Variants in GNAQ observed in about 807,000 individuals in gnomAD.
GNAQ encodes the protein G protein subunit alpha q, also known as guanine nucleotide-binding protein G(q) subunit alpha.
GNAQ carries 8 observed loss-of-function variants against 43.9 expected under a neutral mutation model. The ratio of observed to expected loss-of-function variants is 0.18; its 90% CI spans 0.11 to 0.33. The LOEUF is 0.33. Among genes scored for constraint, GNAQ ranks in the 10% least tolerant of loss-of-function variants. GNAQ has a pLI of 1.00. For missense variants in GNAQ, 158 were observed against 450.8 expected, an observed-to-expected ratio of 0.35 and a Z score of 5.88; for synonymous variants, 155 against 170.7, an observed-to-expected ratio of 0.91 and a Z score of 0.71.
chr9:77,809,323 GC>G (rs1453472288), intron 3 of GNAQ, among the ~76,000 whole-genome samples: 41 of 152,202 alleles, frequency 2.7e-4, no homozygotes, highest in African/African-American at 9.2e-4. Context: ...CAGTAGACTA[GC>G]CAAAGCCTGC....
chr9:77,942,803 T>C (rs1033979227), intron 1 of GNAQ, among the ~76,000 whole-genome samples: 9 of 152,234 alleles, frequency 5.9e-5, no homozygotes, highest in Admixed American at 3.3e-4. Context: ...ATATGATCAA[T>C]AGCTGTGTCT....
Position 77,826,316 on chromosome 9 carries a change from CTTG to C in GNAQ, c.322-10549_322-10547del, listed in dbSNP as rs539850794. 6.8e-4 allele frequency among the ~76,000 whole-genome samples: 103 copies of C among 152,222 alleles called. 1 individual carries two copies. The East Asian group carries it at 0.019, about 28-fold the overall frequency. ...CCCAACTCCCCATAACGCTGGTGTC[CTTG>C]TTGTGTGCTTTGTGTGATAAGGAAG... On this transcript the variant is annotated intron_variant, in intron 2 of 6. Transcript: ENST00000286548.
intron 1 of GNAQ, among the ~76,000 whole-genome samples, chr9:77,997,948 C>T (rs886717496): frequency 7.2e-5 from 11 of 152,280 alleles, no homozygotes; most frequent in African/African-American, 2.2e-4. Flanking sequence ...AAGGAGCTGG[C>T]GGAAAGAACT....
intron 2 of GNAQ, among the ~76,000 whole-genome samples, chr9:77,874,423 T>A (rs970516093): frequency 2.0e-5 from 3 of 152,142 alleles, no homozygotes; most frequent in African/African-American, 7.2e-5. Context: ...TCTCAATCTG[T>A]TCCCTTTTAA....
intron 5 of GNAQ, among the ~76,000 whole-genome samples, chr9:77,788,250 T>C (rs908705521): frequency 2.0e-5 from 3 of 152,070 alleles, no homozygotes; most frequent in African/African-American, 7.2e-5. Context: ...TAATGTGCAT[T>C]ACAAACAACC....
intron 2 of GNAQ, among the ~76,000 whole-genome samples, chr9:77,824,099 T>C (rs546657743): frequency 3.3e-5 from 5 of 152,340 alleles, no homozygotes; most frequent in Admixed American, 1.3e-4. Context: ...TCTAACATCA[T>C]GTCCCTAACA....
At chr9:78,013,163 C>A (rs1433878453) in intron 1 of GNAQ, among the ~76,000 whole-genome samples, 3 of 152,128 alleles carry the variant, frequency 2.0e-5, no homozygotes, top group African/African-American at 7.2e-5. Flanking sequence ...ACCATAAACA[C>A]CTCTCCTTCC....
chr9:78,003,748 A>T (rs2118558674), intron 1 of GNAQ, among the ~76,000 whole-genome samples: 1 of 151,854 alleles, frequency 6.6e-6, no homozygotes, highest in African/African-American at 2.4e-5. Flanking sequence ...CCGGGGAGGC[A>T]GAGGTTGCAG....
intron 2 of GNAQ, among the ~76,000 whole-genome samples, chr9:77,886,827 G>A (rs900470497): frequency 2.6e-5 from 4 of 151,916 alleles, no homozygotes; most frequent in South Asian, 4.1e-4. Flanking sequence ...AATAAAATAC[G>A]CAGCCGGGCA....
At chr9:77,985,473 T>C (rs1317612135) in intron 1 of GNAQ, among the ~76,000 whole-genome samples, 1 of 152,246 alleles carries the variant, frequency 6.6e-6, no homozygotes. Flanking sequence ...TAGAGGATAG[T>C]TGTATGTCAT....
chr9:77,787,084 A>T lies in GNAQ; in HGVS notation c.735+7379T>A, dbSNP rs187964246. 1.6e-3 allele frequency among the ~76,000 whole-genome samples: 247 copies of T among 152,208 alleles called. 2 individuals are homozygous for T. Among genetic ancestry groups the T allele is most frequent in the South Asian group, 8.1e-3 (39 of 4,828 alleles). The stretch of plus-strand genomic sequence containing the variant: ...AGAATCTAGACACAAAAGAAAATAC[A>T]CTCTTTGCTATTCTTTATAAAAAAG... On this transcript the variant is annotated intron_variant, in intron 5 of 6. Transcript: ENST00000286548.
intron 1 of GNAQ, among the ~76,000 whole-genome samples, chr9:78,013,095 G>C (rs965056221): frequency 6.6e-6 from 1 of 152,098 alleles, no homozygotes; most frequent in Non-Finnish European, 1.5e-5. Context: ...GTAATCAGGA[G>C]GAAGAACAGA....
At chr9:77,761,350 C>T (rs1275068449) in intron 5 of GNAQ, among the ~76,000 whole-genome samples, 3 of 135,216 alleles carry the variant, frequency 2.2e-5, no homozygotes, top group South Asian at 2.4e-4. Context: ...CCCGGCCAGC[C>T]GCCCCGTCCG....
At chr9:77,747,843 G>T (rs1327538415) in intron 5 of GNAQ, among the ~76,000 whole-genome samples, 1 of 152,198 alleles carries the variant, frequency 6.6e-6, no homozygotes, top group Non-Finnish European at 1.5e-5. Context: ...TGCGCTAGGT[G>T]CTTCACATGC....
rs76612459 is a variant in GNAQ at position 77,858,622 on chromosome 9, C to G, written c.322-42852G>C. 4.6e-3 allele frequency among the ~76,000 whole-genome samples: 705 copies of G among 152,026 alleles called. 5 individuals are homozygous for G. Among genetic ancestry groups the G allele is most frequent in the African/African-American group, 0.016 (652 of 41,450 alleles). On this transcript the variant is annotated intron_variant, in intron 2 of 6. Transcript: ENST00000286548. ...GTAGTGTCTGACGCCATCAGTCACC[C>G]CCTTCTTCTTGGAAATGCTGCCTAG...
At chr9:77,936,298 A>T (rs2118325789) in intron 1 of GNAQ, among the ~76,000 whole-genome samples, 1 of 152,336 alleles carries the variant, frequency 6.6e-6, no homozygotes, top group East Asian at 1.9e-4. Context: ...CTCTTGGATT[A>T]GTTCTTGGTT....
In GNAQ at chr9:78,031,217, T is replaced by C; in HGVS notation, c.19A>G (p.Met7Val). 3 of 1,546,336 alleles carry C rather than the reference T, an allele frequency of 1.9e-6. No individual in the cohort carries two copies. Among genetic ancestry groups the C allele is most frequent in the Non-Finnish European group, 2.6e-6 (3 of 1,145,582 alleles). MTLESI[M>V]ACCLSEEAKE... ...GCCTCCTCGCTCAGGCAGCACGCCA[T>C]GATGGACTCCAGAGTCATTCTTCCA... The change falls in exon 1 of 7, where the codon ATG (methionine) becomes GTG (valine). Residue 7 changes from methionine (M) to valine (V), a missense_variant. Met to Val is a conservative substitution (Grantham distance 21, BLOSUM62 1). Around this residue, in one of 9 missense-constraint regions of GNAQ, gnomAD observed 12 missense variants for 18.9 expected, o/e 0.64. Coordinates refer to ENST00000286548, the MANE Select transcript of GNAQ (RefSeq NM_002072.5).
chr9:77,789,059 G>C (rs1255475701), intron 5 of GNAQ, among the ~76,000 whole-genome samples: 1 of 152,164 alleles, frequency 6.6e-6, no homozygotes, highest in Non-Finnish European at 1.5e-5. Flanking sequence ...TGGTTGCTAA[G>C]AGATGCTTGA....
At chr9:77,897,886 A>C (rs2118142164) in intron 2 of GNAQ, among the ~76,000 whole-genome samples, 1 of 151,908 alleles carries the variant, frequency 6.6e-6, no homozygotes, top group African/African-American at 2.4e-5. Context: ...TACTATTATC[A>C]ACAACAACAA....
Sources: gnomAD v4.1 joint callset for allele counts (sites outside exome capture counted in the v4.1 genomes callset) on GRCh38, gnomAD v4.1.1 for gene constraint, gnomAD v4.1.1 regional missense constraint, MANE v1.5 for transcripts, NCBI Gene and HGNC (gene_info 2026-07-23, HGNC 2026-07-21) for gene names.